Variants in ITGAM observed in about 807,000 individuals in gnomAD.
ITGAM encodes integrin subunit alpha M.
Under a neutral mutation model 137.5 loss-of-function variants are expected in ITGAM, and 79 were observed. The ratio of observed to expected loss-of-function variants is 0.57; its 90% CI spans 0.48 to 0.69. The LOEUF is 0.69. ITGAM is among the 30% of genes least tolerant of loss of function. The probability of loss-of-function intolerance (pLI) is 0.00; values close to 1 mark genes in which losing one functional copy is unlikely to be tolerated. For missense variants in ITGAM, 1,343 were observed against 1,483.5 expected (o/e 0.91, Z 1.56); for synonymous variants, 583 against 592.3 (o/e 0.98, Z 0.23).
intron 14 of ITGAM, among the ~76,000 whole-genome samples, chr16:31,315,624 CT>C (rs1228241050): frequency 6.6e-6 from 1 of 151,526 alleles, no homozygotes; most frequent in African/African-American, 2.4e-5. Flanking sequence ...TGCCTGGCTA[CT>C]TTTTTGTATA....
chr16:31,311,354 T>C (rs1008667961), intron 14 of ITGAM, among the ~76,000 whole-genome samples: 1 of 152,062 alleles, frequency 6.6e-6, no homozygotes, highest in East Asian at 1.9e-4. Context: ...GGCAACCTAC[T>C]GAATGGGAGA....
chr16:31,272,422 ACTATATAT>A (rs1374125128), intron 7 of ITGAM, among the ~76,000 whole-genome samples: 542 of 48,924 alleles, frequency 0.011, 15 homozygotes, highest in African/African-American at 0.027. Flanking sequence ...AGGCCAATTA[ACTATATAT>A]ATATATATAT....
chr16:31,310,995 C>G (rs1381271146), intron 14 of ITGAM, among the ~76,000 whole-genome samples: 1 of 152,148 alleles, frequency 6.6e-6, no homozygotes, highest in Non-Finnish European at 1.5e-5. Flanking sequence ...CTACAACTAT[C>G]TGATCTTTGA....
rs1284698305 is a variant in ITGAM, at chr16:31,330,136, TGGCTGAGCTTCGGAA to T, written c.3036_3050del (p.Glu1013_Ala1017del). ...CGCTTGCCCTCTCACTCCGACTTTCTGGCTGAGCTTCGGAAGGCCCCCGTGGTGGTGAGAAGCTAA... is the reference window on the plus strand; with the variant it reads ...CGCTTGCCCTCTCACTCCGACTTTCTGGCCCCCGTGGTGGTGAGAAGCTAA... On this transcript the variant is annotated inframe_deletion, in exon 26 of 30. Coordinates refer to ENST00000544665, the MANE Select transcript of ITGAM (RefSeq NM_000632.4). 1 of 1,613,786 alleles carries T rather than the reference TGGCTGAGCTTCGGAA, an allele frequency of 6.2e-7. No homozygotes were observed. Among genetic ancestry groups the T allele is most frequent in the Non-Finnish European group, 8.5e-7 (1 of 1,179,804 alleles).
intron 14 of ITGAM, among the ~76,000 whole-genome samples, chr16:31,319,716 T>C (rs1263502006): frequency 1.3e-5 from 2 of 152,226 alleles, no homozygotes; most frequent in East Asian, 3.8e-4. Context: ...CTGTTAGTCA[T>C]GTAGGTCTTT....
chr16:31,321,466 C>A lies in ITGAM; in HGVS notation c.1841C>A (p.Ser614Tyr). Residue 614 changes from serine to tyrosine, a missense_variant and splice_region_variant, in exon 16 of 30, where the codon TCC (serine) becomes TAC (tyrosine). By Grantham distance (144) the Ser-to-Tyr change is moderately radical (BLOSUM62 -2). Transcript: ENST00000544665. The part of the protein sequence containing the change: ...GAQGHVLLLR[S>Y]QPVLRVKAIM... ...ATGGTTTTCTGGTGTCCCTTTAGGT[C>A]CCAGCCAGTACTGAGAGTCAAGGCA... The A allele has an allele frequency of 2.5e-6, 4 of 1,613,880 alleles. No individual in the cohort carries two copies. The highest frequency in any genetic ancestry group is 3.4e-6 in the Non-Finnish European group (4 of 1,179,828).
At chr16:31,300,995 T>C (rs1428508216) in intron 14 of ITGAM, among the ~76,000 whole-genome samples, 1 of 152,230 alleles carries the variant, frequency 6.6e-6, no homozygotes, top group Non-Finnish European at 1.5e-5. Flanking sequence ...CCTTATCAGA[T>C]ACATGGTTTG....
In ITGAM at chr16:31,297,820, A is replaced by G; in HGVS notation, c.1573A>G (p.Thr525Ala). The G allele has an allele frequency of 1.2e-6, 2 of 1,613,102 alleles. No individual in the cohort carries two copies. Among genetic ancestry groups the G allele is most frequent in the Non-Finnish European group, 1.7e-6 (2 of 1,179,636 alleles). Residue 525 changes from threonine to alanine, a missense_variant, in exon 14 of 30, where the codon ACA becomes GCA. Transcript: ENST00000544665. ...CTGGGGCCGCTTTGGGGCAGCCCTA[A>G]CAGTGCTGGGGGACGTAAATGGGGA... ...QPWGRFGAALTVLGDVNGDKL... is the reference protein window; with the variant it reads ...QPWGRFGAALAVLGDVNGDKL...
At chr16:31,293,061 C>T (rs12920597) in intron 12 of ITGAM, among the ~76,000 whole-genome samples, 17,563 of 151,992 alleles carry the variant, frequency 0.12, 1,135 homozygotes, top group South Asian at 0.2. Flanking sequence ...TGTCTTCTTT[C>T]GAAAAGTGTC....
At chr16:31,331,510 T>TACCCA in intron 29 of ITGAM, 126 bp from the exon 30 acceptor site, 1 of 600,852 alleles carries the variant, frequency 1.7e-6, no homozygotes, top group Non-Finnish European at 3.0e-6. Flanking sequence ...CGGATGTCAC[T>TACCCA]CCCCTCCCGC....
At position 31,328,197 on chromosome 16, in the gene ITGAM, C is replaced by A. The variant is rs553266817; in HGVS notation, c.2759C>A (p.Pro920Gln). 19 of 1,613,904 alleles carry A rather than the reference C, an allele frequency of 1.2e-5. No homozygotes were observed. In the East Asian group the frequency reaches 4.0e-4, roughly 34 times the overall value. Residue 920 changes from proline to glutamine, a missense_variant, in exon 23 of 30, where the codon CCG (proline) becomes CAG (glutamine). By Grantham distance (76) the Pro-to-Gln change is moderately conservative. Transcript: ENST00000544665. ...TNKTEFQLEL[P>Q]VKYAVYMVVT... ...AAAACCGAATTCCAACTGGAGCTGC[C>A]GGTGAAATATGCTGTCTACATGGTG...
At chr16:31,318,900 T>A (rs2080419740) in intron 14 of ITGAM, among the ~76,000 whole-genome samples, 1 of 152,186 alleles carries the variant, frequency 6.6e-6, no homozygotes, top group Admixed American at 6.5e-5. Context: ...CCATTAAGTT[T>A]GGTATATTGT....
intron 12 of ITGAM, among the ~76,000 whole-genome samples, chr16:31,284,710 C>T (rs2080009328): frequency 6.6e-6 from 1 of 152,156 alleles, no homozygotes; most frequent in African/African-American, 2.4e-5. Context: ...TTGGCTCATA[C>T]TCTGTGGGCT....
At chr16:31,266,268 C>T (rs1313319116) in intron 5 of ITGAM, 121 bp downstream of exon 5, 2 of 681,312 alleles carry the variant, frequency 2.9e-6, no homozygotes. Context: ...GAACTGGGTC[C>T]CATTAGAGTC....
chr16:31,271,792 T>A (rs762228374), intron 6 of ITGAM, 55 bp from the exon 7 acceptor site: 150 of 1,606,144 alleles, frequency 9.3e-5, no homozygotes, highest in Non-Finnish European at 1.2e-4. Context: ...TGCTGGGAGA[T>A]GTCTGAGGGG....
At position 31,328,175 on chromosome 16, in the gene ITGAM, A is replaced by G; in HGVS notation, c.2737A>G (p.Thr913Ala). ...GAACAACATGCCCAGAACCAACAAA[A>G]CCGAATTCCAACTGGAGCTGCCGGT... ...SENNMPRTNK[T>A]EFQLELPVKY... Residue 913 changes from threonine (T) to alanine (A), a missense_variant, in exon 23 of 30, where the codon ACC (threonine) becomes GCC (alanine). By Grantham distance (58) the Thr-to-Ala change is moderately conservative. Coordinates refer to ENST00000544665, the MANE Select transcript of ITGAM (RefSeq NM_000632.4). 6.2e-7 allele frequency: 1 copy of G among 1,613,902 alleles called. No individual in the cohort carries two copies. The highest frequency in any genetic ancestry group is 1.6e-4 in the Middle Eastern group (1 of 6,062).
In ITGAM at chr16:31,324,768, C is replaced by A; in HGVS notation, c.2275C>A (p.Leu759Ile). ...RPVLAEDAQR[L>I]FTALFPFEKN... ...AGTGCTGGCGGAGGATGCTCAGAGA[C>A]TCTTCACAGCCTTGGTGAGTCCAGA... is the stretch of plus-strand genomic sequence containing the variant. The change falls in exon 18 of 30, where the codon CTC becomes ATC. Residue 759 changes from leucine (L) to isoleucine (I), a missense_variant. Physicochemically the swap from Leu to Ile is conservative, Grantham distance 5. Coordinates refer to ENST00000544665, the MANE Select transcript of ITGAM (RefSeq NM_000632.4). The surrounding 1 kb of genome is among the most constrained non-coding windows in gnomAD (Gnocchi z 4.5). 1.9e-6 allele frequency: 3 copies of A among 1,566,676 alleles called. No homozygotes were observed. The highest frequency in any genetic ancestry group is 2.2e-5 in the East Asian group (1 of 44,654).
intron 19 of ITGAM, 79 bp from the exon 20 acceptor site, chr16:31,325,184 C>T (rs1047635845): frequency 7.2e-6 from 11 of 1,528,456 alleles, no homozygotes; most frequent in African/African-American, 6.9e-5. Flanking sequence ...CAAGTGTCTG[C>T]GTCTCTGTTC....
intron 25 of ITGAM, 38 bp downstream of exon 25, chr16:31,329,943 G>A (rs371546512): frequency 2.6e-6 from 4 of 1,539,770 alleles, no homozygotes; most frequent in African/African-American, 1.4e-5. Context: ...ACGGCCCTGC[G>A]CGTTCCTCTC....
Sources: gnomAD v4.1 joint callset for allele counts (sites outside exome capture counted in the v4.1 genomes callset) on GRCh38, gnomAD v4.1.1 for gene constraint, Gnocchi (gnomAD v3.1) non-coding constraint, MANE v1.5 for transcripts, NCBI Gene and HGNC (gene_info 2026-07-23, HGNC 2026-07-21) for gene names.